Variants in GDA observed in about 807,000 individuals in gnomAD.
GDA encodes the protein cytoplasmic PSD-95 interactor.
In GDA, 18 loss-of-function variants were observed where a neutral mutation model predicts 59.6. That is an observed-to-expected ratio of 0.30 (90% CI 0.21 to 0.45). The LOEUF is 0.45. Among genes scored for constraint, GDA ranks in the 20% least tolerant of loss-of-function variants. The pLI is 1.00. For synonymous variants in GDA, 201 were observed against 201.1 expected (o/e 1.00, Z 0.00); for missense variants, 427 against 552.3 (o/e 0.77, Z 2.27).
At chr9:72,247,510 A>G (rs1840277515) in intron 13 of GDA, 77 bp downstream of exon 13, 7 of 778,720 alleles carry the variant, frequency 9.0e-6, no homozygotes, top group Middle Eastern at 4.9e-4. Flanking sequence ...GGCTCTATGT[A>G]TTTATCCTAC....
At chr9:72,126,672 T>C (rs913698975) in intron 1 of GDA, among the ~76,000 whole-genome samples, 18 of 150,906 alleles carry the variant, frequency 1.2e-4, no homozygotes, top group African/African-American at 4.4e-4. Flanking sequence ...GGTCAAGTGA[T>C]TCTCCTACCT....
At chr9:72,236,221 C>T (rs1838972252) in intron 10 of GDA, among the ~76,000 whole-genome samples, 1 of 152,208 alleles carries the variant, frequency 6.6e-6, no homozygotes, top group Admixed American at 6.5e-5. Flanking sequence ...AAGTCCCCTT[C>T]TCAGTGCCTG....
intron 1 of GDA, among the ~76,000 whole-genome samples, chr9:72,171,063 C>T (rs373179362): frequency 4.3e-4 from 65 of 152,296 alleles, no homozygotes; most frequent in South Asian, 1.0e-3. Context: ...GCAGTCCTCC[C>T]GCTTCAGCCT....
At chr9:72,130,848 C>A (rs1420572821) in intron 1 of GDA, among the ~76,000 whole-genome samples, 1 of 152,154 alleles carries the variant, frequency 6.6e-6, no homozygotes, top group African/African-American at 2.4e-5. Flanking sequence ...AGTCCCTGGA[C>A]AAACACTCAG....
intron 1 of GDA, among the ~76,000 whole-genome samples, chr9:72,184,616 C>A (rs1223244660): frequency 1.3e-5 from 2 of 152,174 alleles, no homozygotes; most frequent in African/African-American, 4.8e-5. Flanking sequence ...TGAAGGACAT[C>A]TTGGTTGCTT....
At chr9:72,115,073 G>C (rs1479817577) in intron 1 of GDA, among the ~76,000 whole-genome samples, 2 of 152,262 alleles carry the variant, frequency 1.3e-5, no homozygotes, top group South Asian at 2.1e-4. Context: ...GAGGAGCAGG[G>C]GATAAAGGCC....
chr9:72,214,560 C>T (rs979382916), intron 5 of GDA, among the ~76,000 whole-genome samples: 3 of 152,032 alleles, frequency 2.0e-5, no homozygotes, highest in African/African-American at 4.8e-5. Flanking sequence ...TCCCAAAGTG[C>T]TGAGATTACA....
upstream of GDA, among the ~76,000 whole-genome samples, chr9:72,147,541 A>G (rs1315677260): frequency 6.6e-6 from 1 of 151,886 alleles, no homozygotes; most frequent in Non-Finnish European, 1.5e-5. Flanking sequence ...GTGGCTATAT[A>G]TTTCTCCTGT....
chr9:72,123,482 CTTT>C (rs11357949), intron 1 of GDA, among the ~76,000 whole-genome samples: 91 of 76,628 alleles, frequency 1.2e-3, no homozygotes, highest in African/African-American at 4.3e-3. Flanking sequence ...CATGCCCGGC[CTTT>C]TTTTTTTTTT....
chr9:72,219,397 T>C (rs1302074102), intron 5 of GDA, 82 bp from the exon 6 acceptor site: 1 of 1,023,428 alleles, frequency 9.8e-7, no homozygotes, highest in African/African-American at 1.6e-5. Flanking sequence ...AGCCAGACTC[T>C]GTCTGAAGAA....
intron 5 of GDA, among the ~76,000 whole-genome samples, chr9:72,214,290 T>TA (rs1454974696): frequency 1.3e-5 from 2 of 151,728 alleles, no homozygotes; most frequent in Non-Finnish European, 2.9e-5. Context: ...TTTTATTTTT[T>TA]TTTTTTGAGA....
chr9:72,165,184 A>G (rs903109649), intron 1 of GDA, among the ~76,000 whole-genome samples: 1 of 152,174 alleles, frequency 6.6e-6, no homozygotes, highest in African/African-American at 2.4e-5. Context: ...CTTCTTTCCA[A>G]GGACGTTTCA....
At chr9:72,118,721 A>AT (rs1024631290) in intron 1 of GDA, among the ~76,000 whole-genome samples, 1 of 152,058 alleles carries the variant, frequency 6.6e-6, no homozygotes, top group Non-Finnish European at 1.5e-5. Context: ...CAAACTGGCA[A>AT]TTTTTTTTCT....
chr9:72,136,078 A>G (rs2130633327), intron 1 of GDA, among the ~76,000 whole-genome samples: 1 of 152,298 alleles, frequency 6.6e-6, no homozygotes. Flanking sequence ...AAAACTTTAC[A>G]TAAAGCCATA....
At chr9:72,226,759 A>G (rs185619031) in intron 8 of GDA, among the ~76,000 whole-genome samples, 5 of 152,374 alleles carry the variant, frequency 3.3e-5, no homozygotes, top group African/African-American at 1.2e-4. Context: ...TAATAAATTA[A>G]CCTTCCATTT....
At chr9:72,196,519 C>A (rs1334045125) in intron 2 of GDA, among the ~76,000 whole-genome samples, 1 of 150,768 alleles carries the variant, frequency 6.6e-6, no homozygotes, top group East Asian at 1.9e-4. Context: ...TTCCTCATAG[C>A]CTGGTTGATA....
At chr9:72,167,444 C>T (rs1829450609) in intron 1 of GDA, among the ~76,000 whole-genome samples, 1 of 152,144 alleles carries the variant, frequency 6.6e-6, no homozygotes, top group South Asian at 2.1e-4. Flanking sequence ...TTTACCTGAA[C>T]CCTTAGCAGT....
At chr9:72,175,675 A>G (rs367555557) in intron 1 of GDA, among the ~76,000 whole-genome samples, 1 of 152,196 alleles carries the variant, frequency 6.6e-6, no homozygotes, top group East Asian at 1.9e-4. Context: ...GACTGCATTA[A>G]TCTTTTGTTG....
chr9:72,131,636 AC>A (rs1826029697), intron 1 of GDA, among the ~76,000 whole-genome samples: 1 of 132,018 alleles, frequency 7.6e-6, no homozygotes, highest in Non-Finnish European at 1.7e-5. Context: ...CTAGAAACAC[AC>A]CACGTGCACA....
Sources: allele counts gnomAD v4.1 joint callset (sites outside exome capture counted in the v4.1 genomes callset), GRCh38; gene constraint gnomAD v4.1.1; transcripts MANE v1.5; gene names NCBI Gene and HGNC (gene_info 2026-07-23, HGNC 2026-07-21).